Variants in ACSM1 observed in about 807,000 individuals in gnomAD.
ACSM1 encodes the protein acyl-CoA synthetase medium chain family member 1.
Under a neutral mutation model 75.8 loss-of-function variants are expected in ACSM1, and 79 were observed. That is an observed-to-expected ratio of 1.04 (90% CI 0.87 to 1.26). The LOEUF is 1.26. ACSM1 is among the 50% of genes most tolerant of loss of function. The pLI is 0.00. For synonymous variants in ACSM1, 279 were observed against 265.8 expected (o/e 1.05, Z -0.48); for missense variants, 676 against 720.1 (o/e 0.94, Z 0.70).
At chr16:20,672,396 C>T (rs2019964982) in intron 4 of ACSM1, among the ~76,000 whole-genome samples, 1 of 126,188 alleles carries the variant, frequency 7.9e-6, no homozygotes, top group Non-Finnish European at 1.6e-5. Flanking sequence ...TTGCAGTGAG[C>T]CGAGATCAAA....
intron 7 of ACSM1, among the ~76,000 whole-genome samples, chr16:20,654,635 C>A (rs1032733870): frequency 6.6e-6 from 1 of 152,138 alleles, no homozygotes; most frequent in Non-Finnish European, 1.5e-5. Flanking sequence ...ATGCAGCCAA[C>A]AGACACATGA....
At chr16:20,664,171 T>TTATTTATTTATTTATTTATTTATA (rs1375975587) in intron 6 of ACSM1, among the ~76,000 whole-genome samples, 4 of 151,494 alleles carry the variant, frequency 2.6e-5, no homozygotes, top group Admixed American at 2.6e-4. Flanking sequence ...ATTTATTTAT[T>TTATTTATTTATTTATTTATTTATA]TATTTTTGGT....
At chr16:20,656,615 T>C (rs191463806) in intron 7 of ACSM1, among the ~76,000 whole-genome samples, 253 of 152,326 alleles carry the variant, frequency 1.7e-3, no homozygotes, top group African/African-American at 5.9e-3. Context: ...TAATGAAGGA[T>C]AGTAACTCTC....
chr16:20,625,901 T>C (rs2016894309), intron 11 of ACSM1, among the ~76,000 whole-genome samples: 1 of 152,226 alleles, frequency 6.6e-6, no homozygotes, highest in African/African-American at 2.4e-5. Context: ...TTTTCGGCTT[T>C]TATTATATAT....
intron 4 of ACSM1, chr16:20,681,883 C>T (rs2079453435): frequency 6.0e-6 from 1 of 166,826 alleles, no homozygotes; most frequent in Non-Finnish European, 1.3e-5. Flanking sequence ...CTCCCTTTCC[C>T]AGGCATTGTG....
intron 6 of ACSM1, 41 bp from the exon 7 acceptor site, chr16:20,661,914 A>G: frequency 1.4e-6 from 2 of 1,391,742 alleles, no homozygotes; most frequent in Admixed American, 1.7e-5. Flanking sequence ...TTTACAGTTA[A>G]GGTTAAACTA....
Position 20,624,149 on chromosome 16 carries a change from C to G in ACSM1, c.1594G>C (p.Glu532Gln). ...LSHDKDQLTKELQQHVKSVTA... is the reference protein window; with the variant it reads ...LSHDKDQLTKQLQQHVKSVTA... ...ACTGACTTGACATGCTGCTGCAGTT[C>G]CTTGGTCAGCTGATCCTTGTCATGG... The change falls in exon 13 of 14, where the codon GAA (glutamate) becomes CAA (glutamine). Residue 532 changes from glutamate to glutamine, a missense_variant. Glu to Gln is a conservative substitution (Grantham distance 29). Transcript: ENST00000520010. 1 of 1,613,506 alleles carries G rather than the reference C, an allele frequency of 6.2e-7. No individual in the cohort carries two copies. Among genetic ancestry groups the G allele is most frequent in the Non-Finnish European group, 8.5e-7 (1 of 1,179,590 alleles).
intron 10 of ACSM1, 43 bp downstream of exon 10, chr16:20,636,696 G>T: frequency 6.9e-7 from 1 of 1,441,032 alleles, no homozygotes; most frequent in Non-Finnish European, 9.8e-7. Context: ...GCTCCCTGTT[G>T]GGATCCTTGG....
chr16:20,685,838 A>C (rs1310600830), intron 2 of ACSM1, among the ~76,000 whole-genome samples: 1 of 125,602 alleles, frequency 8.0e-6, no homozygotes, highest in Non-Finnish European at 1.9e-5. Context: ...AAAACAAACA[A>C]AAAAAAAACA....
Position 20,691,069 on chromosome 16 carries a change from C to T in ACSM1, c.120G>A (p.Trp40Ter). 2 of 1,613,836 alleles carry T rather than the reference C, an allele frequency of 1.2e-6. No homozygotes were observed. Among genetic ancestry groups the T allele is most frequent in the Non-Finnish European group, 1.7e-6 (2 of 1,179,894 alleles). ...ATTCCTCCGGTACTTCATAGTCATTCCATCTTGGGGCTCCAAATTCTGATA... is the reference window on the plus strand; with the variant it reads ...ATTCCTCCGGTACTTCATAGTCATTTCATCTTGGGGCTCCAAATTCTGATA... The part of the protein sequence containing the change: ...RSLSEFGAPR[W>*]NDYEVPEEFN... The change falls in exon 2 of 14, where the codon TGG becomes TGA. Residue 40 changes from tryptophan (W) to a stop codon, truncating the protein, a stop_gained. Transcript: ENST00000520010. LOFTEE classifies it high-confidence loss of function.
intron 6 of ACSM1, among the ~76,000 whole-genome samples, chr16:20,666,761 C>A (rs1258131574): frequency 6.6e-6 from 1 of 152,062 alleles, no homozygotes; most frequent in Non-Finnish European, 1.5e-5. Context: ...CAAAAACAGA[C>A]AAATACACCA....
chr16:20,666,432 T>C (rs75599714), intron 6 of ACSM1, among the ~76,000 whole-genome samples: 23,709 of 152,040 alleles, frequency 0.16, 2,230 homozygotes, highest in East Asian at 0.5. Flanking sequence ...AGGTGAAAGA[T>C]GGCTACAAAG....
intron 8 of ACSM1, among the ~76,000 whole-genome samples, chr16:20,637,689 T>A (rs943427418): frequency 5.9e-5 from 9 of 152,034 alleles, no homozygotes; most frequent in Non-Finnish European, 7.4e-5. Context: ...CTAAGTGGAG[T>A]CTACAGAATC....
Position 20,623,419 on chromosome 16 carries a change from T to G in ACSM1, c.*67A>C. 2 of 1,404,296 alleles carry G rather than the reference T, an allele frequency of 1.4e-6. No homozygotes were observed. The highest frequency in any genetic ancestry group is 2.0e-6 in the Non-Finnish European group (2 of 991,290). The allele number at this position is 1,404,296 out of a possible 1,614,324, so 87.0% of individuals were successfully genotyped here. ...CAATGCCCCACCCTCGTCCTCACCA[T>G]AGTGGGGAGACTAAAGTGGCCAGGG... On this transcript the variant is annotated 3_prime_UTR_variant, in exon 14 of 14. Coordinates refer to ENST00000520010, the MANE Select transcript of ACSM1 (RefSeq NM_001318890.3).
At chr16:20,643,741 C>T (rs1379570173) in intron 7 of ACSM1, among the ~76,000 whole-genome samples, 1 of 152,246 alleles carries the variant, frequency 6.6e-6, no homozygotes, top group African/African-American at 2.4e-5. Flanking sequence ...CTCCATTTTA[C>T]AGAGTGCTGA....
At chr16:20,693,196 T>G (rs1430301315) in intron 1 of ACSM1, among the ~76,000 whole-genome samples, 1 of 151,892 alleles carries the variant, frequency 6.6e-6, no homozygotes, top group African/African-American at 2.4e-5. Context: ...ATTCAGATCT[T>G]AGTCCTCACT....
intron 10 of ACSM1, among the ~76,000 whole-genome samples, chr16:20,635,159 C>T (rs2017587648): frequency 6.6e-6 from 1 of 152,070 alleles, no homozygotes; most frequent in South Asian, 2.1e-4. Context: ...CTTTGGGAGG[C>T]TGAGGCAGGG....
In ACSM1 at chr16:20,670,049, A is replaced by G. The variant is rs147792950; in HGVS notation, c.753-63T>C. The G allele has an allele frequency of 1.7e-5, 27 of 1,560,818 alleles. No individual in the cohort carries two copies. In the East Asian group the frequency reaches 5.5e-4, roughly 32 times the overall value. ...TGGCTGATGTGATGAAGGGCTGTGC[A>G]CTCTGGTTTTTAGCTACGAACCCAC... On this transcript the variant is annotated intron_variant, in intron 5 of 13. Coordinates refer to ENST00000520010, the MANE Select transcript of ACSM1 (RefSeq NM_001318890.3).
chr16:20,623,507 T>C lies in ACSM1; in HGVS notation c.1713A>G (p.Lys571=). 6.2e-7 allele frequency: 1 copy of C among 1,614,158 alleles called. No individual in the cohort carries two copies. The highest frequency in any genetic ancestry group is 8.5e-7 in the Non-Finnish European group (1 of 1,180,000). Residue 571 remains lysine (K), a synonymous_variant, in exon 14 of 14, where the codon AAA becomes AAG. Coordinates refer to ENST00000520010, the MANE Select transcript of ACSM1 (RefSeq NM_001318890.3). ...TGKIERKELR[K]KETGQM is the part of the protein sequence containing the mutation. The stretch of plus-strand genomic sequence containing the variant: ...CCGATTACATCTGACCAGTCTCCTT[T>C]TTCCGAAGTTCCTTCCGTTCAATCT...
Sources: gnomAD v4.1 joint callset for allele counts (sites outside exome capture counted in the v4.1 genomes callset) on GRCh38, gnomAD v4.1.1 for gene constraint, MANE v1.5 for transcripts, NCBI Gene and HGNC (gene_info 2026-07-23, HGNC 2026-07-21) for gene names.